The following OPCML variants were observed in gnomAD, a reference collection of about 807,000 sequenced individuals.
OPCML encodes the protein opioid-binding protein/cell adhesion molecule.
OPCML carries 13 observed loss-of-function variants against 37.8 expected under a neutral mutation model. The ratio of observed to expected loss-of-function variants is 0.34; its 90% CI spans 0.22 to 0.55. The LOEUF is 0.55. Among genes scored for constraint, OPCML ranks in the 20% least tolerant of loss-of-function variants. The pLI, the probability that OPCML is intolerant of heterozygous loss-of-function variation, is 0.91. For missense variants in OPCML, 341 were observed against 435.6 expected (o/e 0.78, Z 1.93); for synonymous variants, 176 against 168.8 (o/e 1.04, Z -0.33).
At chr11:132,746,391 C>T (rs1255117432) in intron 2 of OPCML, among the ~76,000 whole-genome samples, 1 of 152,178 alleles carries the variant, frequency 6.6e-6, no homozygotes, top group African/African-American at 2.4e-5. Context: ...ACAAGCATCT[C>T]ATTTATTCTC....
Position 132,809,489 on chromosome 11 carries a change from C to T in OPCML, c.146+133437G>A, listed in dbSNP as rs182003026. On this transcript the variant is annotated intron_variant, in intron 2 of 7. Coordinates refer to ENST00000524381, the MANE Select transcript of OPCML (RefSeq NM_001012393.5). ...TTTTATTTAAGTTCATGTGGGTGTA[C>T]GGAGCTTATTTTTAATGTTCCTTAC... Among the ~76,000 whole-genome samples the T allele has an allele frequency of 3.4e-4, 51 of 152,146 alleles. No individual in the cohort carries two copies. In the East Asian group the frequency reaches 5.8e-3, roughly 17 times the overall value.
Position 133,071,254 on chromosome 11 carries a change from T to C in OPCML, c.62-128244A>G, listed in dbSNP as rs145604684. Among the ~76,000 whole-genome samples, 300 of 152,276 alleles carry C rather than the reference T, an allele frequency of 2.0e-3. 2 individuals are homozygous for C. Among genetic ancestry groups the C allele is most frequent in the Non-Finnish European group, 3.4e-3 (234 of 68,020 alleles). On this transcript the variant is annotated intron_variant, in intron 1 of 7. Coordinates refer to ENST00000524381, the MANE Select transcript of OPCML (RefSeq NM_001012393.5). Reference sequence around the variant, plus strand: ...CTGCTGTGCTTCAAGGAAACCAGCATAGAAATGACATCCGTGTCTGTGTGT... The same window carrying C: ...CTGCTGTGCTTCAAGGAAACCAGCACAGAAATGACATCCGTGTCTGTGTGT...
At chr11:132,903,934 G>T (rs1047953148) in intron 2 of OPCML, among the ~76,000 whole-genome samples, 2 of 152,212 alleles carry the variant, frequency 1.3e-5, no homozygotes, top group African/African-American at 2.4e-5. Flanking sequence ...GTCTTTGATA[G>T]ATGGCATTCT....
chr11:133,114,831 G>C (rs529197424), intron 1 of OPCML, among the ~76,000 whole-genome samples: 1 of 152,292 alleles, frequency 6.6e-6, no homozygotes, highest in African/African-American at 2.4e-5. Context: ...GTTTCAGAGA[G>C]AGTGGTAGTT....
chr11:132,735,476 T>A (rs1945222008), intron 2 of OPCML, among the ~76,000 whole-genome samples: 1 of 152,112 alleles, frequency 6.6e-6, no homozygotes. Flanking sequence ...TCTCACAAAA[T>A]AATTGTTGTT....
intron 1 of OPCML, among the ~76,000 whole-genome samples, chr11:133,447,145 C>A (rs1487503284): frequency 6.6e-6 from 1 of 152,142 alleles, no homozygotes; most frequent in Non-Finnish European, 1.5e-5. Flanking sequence ...TACCATTTTG[C>A]ATTCTCACTA....
chr11:132,490,681 T>C (rs930562541), intron 4 of OPCML, among the ~76,000 whole-genome samples: 42 of 151,728 alleles, frequency 2.8e-4, no homozygotes, highest in Non-Finnish European at 5.6e-4. Context: ...TAGCCGGGTG[T>C]GGTGGCGGGC....
chr11:132,488,950 G>A (rs550690380), intron 4 of OPCML, among the ~76,000 whole-genome samples: 16 of 152,224 alleles, frequency 1.1e-4, no homozygotes, highest in African/African-American at 3.6e-4. Flanking sequence ...TGGAATTTTC[G>A]AGGGTGGCTC....
Position 132,914,711 on chromosome 11 carries a change from C to T in OPCML, c.146+28215G>A, listed in dbSNP as rs898282757. On this transcript the variant is annotated intron_variant, in intron 2 of 7. Coordinates refer to ENST00000524381, the MANE Select transcript of OPCML (RefSeq NM_001012393.5). The stretch of plus-strand genomic sequence containing the variant: ...GGTTTGGCTGATTCCTGTACCAACC[C>T]ATAGCAGCCACTGAGTCATGAACAA... Among the ~76,000 whole-genome samples the T allele has an allele frequency of 8.5e-5, 13 of 152,180 alleles. 1 individual carries two copies. Among genetic ancestry groups the T allele is most frequent in the Non-Finnish European group, 1.9e-4 (13 of 68,034 alleles).
At chr11:133,142,904 C>G (rs1389569546) in intron 1 of OPCML, among the ~76,000 whole-genome samples, 1 of 152,050 alleles carries the variant, frequency 6.6e-6, no homozygotes, top group African/African-American at 2.4e-5. Context: ...AGTGCCTTCT[C>G]ATATTCCTGT....
chr11:132,573,513 C>T lies in OPCML; in HGVS notation c.380-44327G>A, dbSNP rs530635034. On this transcript the variant is annotated intron_variant, in intron 3 of 7. Transcript: ENST00000524381. ...CATTCTCGGCATCTATTGAGATAAT[C>T]ATGTGATTTTTATCCTTTATTCCAT... Among the ~76,000 whole-genome samples, 5 of 152,068 alleles carry T rather than the reference C, an allele frequency of 3.3e-5. No homozygotes were observed. In the South Asian group the frequency reaches 1.0e-3, roughly 32 times the overall value.
At chr11:132,438,833 T>G (rs1208215881) in intron 4 of OPCML, among the ~76,000 whole-genome samples, 1 of 151,988 alleles carries the variant, frequency 6.6e-6, no homozygotes, top group Non-Finnish European at 1.5e-5. Context: ...GTGCCCTGAC[T>G]CTGCTCCAAG....
chr11:132,528,403 T>G (rs936530580), intron 4 of OPCML, among the ~76,000 whole-genome samples: 2 of 152,210 alleles, frequency 1.3e-5, no homozygotes, highest in African/African-American at 4.8e-5. Context: ...AGTGGCTCTG[T>G]GCCCACCTCT....
At chr11:132,485,270 G>A (rs1363997661) in intron 4 of OPCML, among the ~76,000 whole-genome samples, 2 of 152,082 alleles carry the variant, frequency 1.3e-5, no homozygotes. Flanking sequence ...ATAAATAAGT[G>A]TTTATGACAG....
chr11:132,910,503 C>T (rs1220014544), intron 2 of OPCML, among the ~76,000 whole-genome samples: 1 of 152,186 alleles, frequency 6.6e-6, no homozygotes, highest in African/African-American at 2.4e-5. Context: ...ATGCAAATGG[C>T]GCACAACCCT....
At chr11:132,799,925 G>T (rs1413970622) in intron 2 of OPCML, among the ~76,000 whole-genome samples, 1 of 152,100 alleles carries the variant, frequency 6.6e-6, no homozygotes, top group Non-Finnish European at 1.5e-5. Flanking sequence ...TTATATTTCT[G>T]TGTGAACATT....
chr11:132,758,402 C>T (rs1946137514), intron 2 of OPCML, among the ~76,000 whole-genome samples: 1 of 152,156 alleles, frequency 6.6e-6, no homozygotes, highest in South Asian at 2.1e-4. Flanking sequence ...GGCAGTATGG[C>T]CATTTTCACA....
intron 1 of OPCML, among the ~76,000 whole-genome samples, chr11:133,169,406 C>G (rs559430685): frequency 4.3e-4 from 65 of 152,166 alleles, no homozygotes; most frequent in Non-Finnish European, 7.8e-4. Context: ...ATGAGAGAAA[C>G]AAAACTAAAT....
chr11:133,130,178 GAAT>G (rs1282861368), intron 1 of OPCML, among the ~76,000 whole-genome samples: 1 of 151,616 alleles, frequency 6.6e-6, no homozygotes, highest in African/African-American at 2.4e-5. Context: ...TACTAGATAA[GAAT>G]AATGACAGAT....
Sources: gnomAD v4.1 joint callset for allele counts (sites outside exome capture counted in the v4.1 genomes callset) on GRCh38, gnomAD v4.1.1 for gene constraint, MANE v1.5 for transcripts, NCBI Gene and HGNC (gene_info 2026-07-23, HGNC 2026-07-21) for gene names.